Variants in DYNC2H1 observed in about 807,000 individuals in gnomAD.
DYNC2H1 encodes the protein dynein cytoplasmic 2 heavy chain 1.
Under a neutral mutation model 570.0 loss-of-function variants are expected in DYNC2H1, and 410 were observed. That is an observed-to-expected ratio of 0.72 (90% confidence interval 0.66 to 0.78). The LOEUF is 0.78. DYNC2H1 is among the 30% of genes least tolerant of loss of function. DYNC2H1 has a pLI of 0.00. For missense variants in DYNC2H1, 4,865 were observed against 5,046.4 expected (o/e 0.96, Z 1.09); for synonymous variants, 1,688 against 1,677.6 (o/e 1.01, Z -0.15).
In DYNC2H1 at chr11:103,471,744, C is replaced by T. The variant is rs184573948; in HGVS notation, c.12765+3039C>T. 5.3e-5 allele frequency among the ~76,000 whole-genome samples: 8 copies of T among 152,170 alleles called. No homozygotes were observed. In the East Asian group the frequency reaches 5.8e-4, roughly 11 times the overall value. The stretch of plus-strand genomic sequence containing the variant: ...GATGTTATGCTGAACCCTGGGGTTA[C>T]GAAGATAAACAGATTTCTCCTGCAG... On this transcript the variant is annotated intron_variant, in intron 88 of 88. Coordinates refer to ENST00000375735, the MANE Select transcript of DYNC2H1 (RefSeq NM_001377.3).
At chr11:103,288,168 C>A (rs1312588874) in intron 75 of DYNC2H1, among the ~76,000 whole-genome samples, 2 of 152,134 alleles carry the variant, frequency 1.3e-5, no homozygotes, top group East Asian at 1.9e-4. Flanking sequence ...GGCTGCATTA[C>A]CCCTAAACCA....
intron 83 of DYNC2H1, among the ~76,000 whole-genome samples, chr11:103,359,281 C>A (rs1940516146): frequency 6.6e-6 from 1 of 152,198 alleles, no homozygotes; most frequent in South Asian, 2.1e-4. Context: ...GAGGACAGCT[C>A]ATATTGCTAA....
intron 57 of DYNC2H1, among the ~76,000 whole-genome samples, chr11:103,221,300 G>T (rs1231425367): frequency 6.6e-6 from 1 of 152,118 alleles, no homozygotes; most frequent in Non-Finnish European, 1.5e-5. Flanking sequence ...GGTTTGTGCC[G>T]ATATTAAGTT....
intron 81 of DYNC2H1, among the ~76,000 whole-genome samples, chr11:103,322,450 A>G (rs2135441018): frequency 6.6e-6 from 1 of 152,212 alleles, no homozygotes; most frequent in East Asian, 1.9e-4. Flanking sequence ...AGCTTCCCAG[A>G]ATTTCTCCTT....
chr11:103,192,348 T>G, intron 47 of DYNC2H1, 84 bp downstream of exon 47: 1 of 979,094 alleles, frequency 1.0e-6, no homozygotes, highest in Non-Finnish European at 1.4e-6. Context: ...ATTTTATAGG[T>G]CTAAACAAAT....
At chr11:103,464,156 TA>T (rs551105121) in intron 87 of DYNC2H1, among the ~76,000 whole-genome samples, 169 of 152,344 alleles carry the variant, frequency 1.1e-3, no homozygotes, top group Admixed American at 2.4e-3. Context: ...TTAACTATTT[TA>T]GTTTCCTTGA....
rs1395383531 is a variant in DYNC2H1, at chr11:103,163,075, G to A, written c.4539G>A (p.Gln1513=). The A allele has an allele frequency of 6.2e-7, 1 of 1,613,316 alleles. No individual in the cohort carries two copies. Among genetic ancestry groups the A allele is most frequent in the Admixed American group, 1.7e-5 (1 of 59,994 alleles). Reference sequence around the variant, plus strand: ...TAGAAATGAAGAAAACTTTGGAACAGTTGTTGAAGGAATGTGTTACTACTG... The same window carrying A: ...TAGAAATGAAGAAAACTTTGGAACAATTGTTGAAGGAATGTGTTACTACTG... ...LALEMKKTLE[Q]LLKECVTTGR... The change falls in exon 30 of 89, where the codon CAG becomes CAA. Residue 1513 remains glutamine, a synonymous_variant. Coordinates refer to ENST00000375735, the MANE Select transcript of DYNC2H1 (RefSeq NM_001377.3). This position sits in a 1 kb window ranked among gnomAD's most constrained non-coding sequence, Gnocchi z 4.6.
chr11:103,197,963 A>G lies in DYNC2H1; in HGVS notation c.7739A>G (p.His2580Arg), dbSNP rs753895821. The G allele has an allele frequency of 1.9e-6, 3 of 1,569,634 alleles. No individual in the cohort carries two copies. Among genetic ancestry groups the G allele is most frequent in the Admixed American group, 1.9e-5 (1 of 53,544 alleles). Residue 2580 changes from histidine to arginine, a missense_variant, in exon 48 of 89, where the codon CAT (histidine) becomes CGT (arginine). Physicochemically the swap from His to Arg is conservative, Grantham distance 29 (BLOSUM62 0). Coordinates refer to ENST00000375735, the MANE Select transcript of DYNC2H1 (RefSeq NM_001377.3). The stretch of plus-strand genomic sequence containing the variant: ...TTCTACGTTACATGGGGAGCTCGGC[A>G]TAATTCAGGAGCAAGGGCAGCCCCA... ...DSFYVTWGAR[H>R]NSGARAAPGQ...
chr11:103,459,876 C>T (rs1274483018), intron 87 of DYNC2H1, among the ~76,000 whole-genome samples: 6 of 141,710 alleles, frequency 4.2e-5, no homozygotes, highest in East Asian at 4.4e-4. Flanking sequence ...GGCGTGAACC[C>T]GGGAAGCGGA....
Position 103,280,714 on chromosome 11 carries a change from A to G in DYNC2H1, c.10761+301A>G, listed in dbSNP as rs776609642. ...GTCAGCCTTCTTCTTTTCCCGGCCT[A>G]GGTAGTAGAGCTCATATAGAAAAAG... is the stretch of plus-strand genomic sequence containing the variant. On this transcript the variant is annotated intron_variant, in intron 71 of 88. Coordinates refer to ENST00000375735, the MANE Select transcript of DYNC2H1 (RefSeq NM_001377.3). The surrounding 1 kb of genome is among the most constrained non-coding windows in gnomAD (Gnocchi z 4.7). Among the ~76,000 whole-genome samples, 1 of 152,072 alleles carries G rather than the reference A, an allele frequency of 6.6e-6. No individual in the cohort carries two copies. Among genetic ancestry groups the G allele is most frequent in the Non-Finnish European group, 1.5e-5 (1 of 67,964 alleles).
chr11:103,168,310 C>A (rs1320783507), intron 31 of DYNC2H1, among the ~76,000 whole-genome samples: 1 of 152,152 alleles, frequency 6.6e-6, no homozygotes, highest in Non-Finnish European at 1.5e-5. Flanking sequence ...TTGGGTATGG[C>A]CCTAGCGTTG....
At position 103,206,784 on chromosome 11, in the gene DYNC2H1, T is replaced by C. The variant is rs530298167; in HGVS notation, c.8454+1820T>C. Among the ~76,000 whole-genome samples the C allele has an allele frequency of 3.0e-4, 45 of 152,202 alleles. 1 individual carries two copies. In the South Asian group the frequency reaches 9.3e-3, roughly 32 times the overall value. On this transcript the variant is annotated intron_variant, in intron 52 of 88. Coordinates refer to ENST00000375735, the MANE Select transcript of DYNC2H1 (RefSeq NM_001377.3). ...TTGATGGAGCAGTTGCAGTTAGTAA[T>C]GGAAAAAGCCGTATTGGAATACGTT... is the stretch of plus-strand genomic sequence containing the variant.
chr11:103,456,483 C>A, intron 87 of DYNC2H1, 127 bp downstream of exon 87: 1 of 595,454 alleles, frequency 1.7e-6, no homozygotes, highest in Non-Finnish European at 2.7e-6. Flanking sequence ...ATTGTATTAT[C>A]TATGTGAAAA....
Position 103,235,666 on chromosome 11 carries a change from T to A in DYNC2H1, c.9568-6T>A, listed in dbSNP as rs1864191415. The A allele has an allele frequency of 1.9e-6, 3 of 1,601,844 alleles. No homozygotes were observed. The African/African-American group carries it at 4.0e-5, about 21-fold the overall frequency. On this transcript the variant is annotated splice_polypyrimidine_tract_variant and splice_region_variant and intron_variant, in intron 61 of 88. Coordinates refer to ENST00000375735, the MANE Select transcript of DYNC2H1 (RefSeq NM_001377.3). ...TCTCCCTCTTTCTTCTCTCTCTTTT[T>A]TCCAGGTTGTAGAGATAACAGAGGA... is the stretch of plus-strand genomic sequence containing the variant.
In DYNC2H1 at chr11:103,326,247, G is replaced by A. The variant is rs1004530734; in HGVS notation, c.12039+2257G>A. Among the ~76,000 whole-genome samples, 4 of 151,952 alleles carry A rather than the reference G, an allele frequency of 2.6e-5. No individual in the cohort carries two copies. The highest frequency in any genetic ancestry group is 4.1e-4 in the South Asian group (2 of 4,822). ...TTCTTGGGAGTAGAGGGAGGGGCGG[G>A]GAATAAAATCATCTCACCAGGGCCC... On this transcript the variant is annotated intron_variant, in intron 82 of 88. Coordinates refer to ENST00000375735, the MANE Select transcript of DYNC2H1 (RefSeq NM_001377.3). The surrounding 1 kb of genome is among the most constrained non-coding windows in gnomAD (Gnocchi z 6.1).
intron 55 of DYNC2H1, 172 bp downstream of exon 55, chr11:103,216,030 T>C (rs1863369373): frequency 5.2e-6 from 4 of 774,698 alleles, no homozygotes; most frequent in Non-Finnish European, 7.8e-6. Flanking sequence ...GGTATTTTCC[T>C]ATATTGTTTA....
At chr11:103,368,825 T>G (rs797001338) in intron 83 of DYNC2H1, among the ~76,000 whole-genome samples, 7 of 152,294 alleles carry the variant, frequency 4.6e-5, no homozygotes, top group African/African-American at 1.7e-4. Flanking sequence ...CACCATTTAT[T>G]GACAATACTG....
rs1469300021 is a variant in DYNC2H1 at position 103,249,706 on chromosome 11, G to A, written c.10043-3579G>A. Among the ~76,000 whole-genome samples the A allele has an allele frequency of 3.9e-5, 6 of 151,944 alleles. No individual in the cohort carries two copies. The highest frequency in any genetic ancestry group is 1.4e-4 in the African/African-American group (6 of 41,394). On this transcript the variant is annotated intron_variant, in intron 65 of 88. Coordinates refer to ENST00000375735, the MANE Select transcript of DYNC2H1 (RefSeq NM_001377.3). The surrounding 1 kb of genome is among the most constrained non-coding windows in gnomAD (Gnocchi z 4.6). ...CATTTCATAAAACACCAACATCAGA[G>A]AGGTCACTCTGACTGCAGTCATGTT... is the stretch of plus-strand genomic sequence containing the variant.
Position 103,228,573 on chromosome 11 carries a change from C to T in DYNC2H1, c.9354-2687C>T, listed in dbSNP as rs1347529870. Among the ~76,000 whole-genome samples the T allele has an allele frequency of 6.6e-6, 1 of 152,140 alleles. No individual in the cohort carries two copies. Among genetic ancestry groups the T allele is most frequent in the Non-Finnish European group, 1.5e-5 (1 of 68,018 alleles). On this transcript the variant is annotated intron_variant, in intron 59 of 88. Transcript: ENST00000375735. This position sits in a 1 kb window ranked among gnomAD's most constrained non-coding sequence, Gnocchi z 6.1. Reference sequence around the variant, plus strand: ...GGTATCTTAGCTGTGGATACCAGCACCTGCTCCACTGGAGGTAGCAGGGGA... The same window carrying T: ...GGTATCTTAGCTGTGGATACCAGCATCTGCTCCACTGGAGGTAGCAGGGGA...
Sources: allele counts gnomAD v4.1 joint callset (sites outside exome capture counted in the v4.1 genomes callset), GRCh38; gene constraint gnomAD v4.1.1; non-coding constraint Gnocchi (gnomAD v3.1); transcripts MANE v1.5; gene names NCBI Gene and HGNC (gene_info 2026-07-23, HGNC 2026-07-21).